The following WDR72 variants were observed in gnomAD, a reference collection of about 807,000 sequenced individuals.
WDR72 encodes WD repeat domain 72.
Under a neutral mutation model 124.2 loss-of-function variants are expected in WDR72, and 120 were observed. The ratio of observed to expected loss-of-function variants is 0.97; its 90% confidence interval spans 0.83 to 1.12. The LOEUF is 1.12. Among genes scored for constraint, WDR72 ranks in the 50% most tolerant of loss-of-function variants. WDR72 has a pLI of 0.00. For synonymous variants in WDR72, 452 were observed against 441.7 expected (o/e 1.02, Z -0.29); for missense variants, 1,387 against 1,278.8 (o/e 1.08, Z -1.29).
At chr15:53,533,885 AT>A in intron 18 of WDR72, among the ~76,000 whole-genome samples, 1 of 152,030 alleles carries the variant, frequency 6.6e-6, no homozygotes, top group South Asian at 2.1e-4. Flanking sequence ...AGTTAACATT[AT>A]TTTTTCTCCT....
chr15:53,677,868 G>A (rs1040155726), intron 13 of WDR72, among the ~76,000 whole-genome samples: 2 of 152,082 alleles, frequency 1.3e-5, no homozygotes, highest in African/African-American at 4.8e-5. Context: ...CACTAATTGA[G>A]TATTTTTAAG....
At chr15:53,728,494 A>G (rs1405420659) in intron 2 of WDR72, among the ~76,000 whole-genome samples, 3 of 152,224 alleles carry the variant, frequency 2.0e-5, no homozygotes, top group African/African-American at 7.2e-5. Flanking sequence ...AGGAAATTGA[A>G]GCTCAAAGAA....
chr15:53,708,676 T>C (rs1329166202), intron 9 of WDR72, among the ~76,000 whole-genome samples: 1 of 152,202 alleles, frequency 6.6e-6, no homozygotes, highest in Non-Finnish European at 1.5e-5. Context: ...AATGAAGTTT[T>C]TGTCATCATC....
intron 18 of WDR72, among the ~76,000 whole-genome samples, chr15:53,580,641 T>G (rs886353530): frequency 3.3e-5 from 5 of 151,922 alleles, no homozygotes; most frequent in African/African-American, 1.2e-4. Flanking sequence ...GATGACACAG[T>G]TTGTGATTTG....
intron 14 of WDR72, among the ~76,000 whole-genome samples, chr15:53,636,835 C>A (rs1229200714): frequency 6.6e-6 from 1 of 152,132 alleles, no homozygotes; most frequent in East Asian, 1.9e-4. Context: ...TAATTCCAAG[C>A]CCATGTTTTA....
intron 2 of WDR72, among the ~76,000 whole-genome samples, chr15:53,724,852 C>G (rs1180367392): frequency 2.0e-5 from 3 of 152,150 alleles, no homozygotes; most frequent in Non-Finnish European, 4.4e-5. Context: ...ATAAAAACGA[C>G]TAAAATTCCA....
At chr15:53,724,843 T>C (rs1253688892) in intron 2 of WDR72, among the ~76,000 whole-genome samples, 2 of 152,178 alleles carry the variant, frequency 1.3e-5, no homozygotes, top group East Asian at 3.8e-4. Context: ...AAAGTTAATA[T>C]AAAAACGACT....
intron 18 of WDR72, among the ~76,000 whole-genome samples, chr15:53,582,104 G>A (rs968820551): frequency 6.6e-6 from 1 of 151,862 alleles, no homozygotes; most frequent in African/African-American, 2.4e-5. Context: ...GCATCTAAGT[G>A]CTTTGTACCA....
intron 18 of WDR72, among the ~76,000 whole-genome samples, chr15:53,543,428 G>T (rs1893261001): frequency 1.3e-5 from 2 of 152,136 alleles, no homozygotes; most frequent in African/African-American, 2.4e-5. Context: ...TAGAAAGGAA[G>T]ATGTTCTTTG....
chr15:53,536,883 T>G (rs1892791458), intron 18 of WDR72, among the ~76,000 whole-genome samples: 1 of 152,166 alleles, frequency 6.6e-6, no homozygotes, highest in African/African-American at 2.4e-5. Context: ...GATCCTGTTG[T>G]CTGTCTGCTG....
chr15:53,518,419 C>G (rs951473139), intron 19 of WDR72, among the ~76,000 whole-genome samples: 3 of 151,336 alleles, frequency 2.0e-5, no homozygotes, highest in African/African-American at 7.3e-5. Flanking sequence ...TGTATACTAA[C>G]TGTGTGTGTG....
intron 19 of WDR72, 55 bp downstream of exon 19, chr15:53,523,163 C>T: frequency 1.3e-6 from 2 of 1,559,644 alleles, no homozygotes; most frequent in Non-Finnish European, 1.8e-6. Context: ...CCAAGGACCC[C>T]AAAGCTGTGT....
chr15:53,683,173 C>A (rs535799868), intron 13 of WDR72, among the ~76,000 whole-genome samples: 9 of 152,210 alleles, frequency 5.9e-5, no homozygotes, highest in African/African-American at 2.2e-4. Flanking sequence ...CCTTGACACA[C>A]AGAGATTACA....
intron 13 of WDR72, among the ~76,000 whole-genome samples, chr15:53,697,827 G>A (rs969953563): frequency 6.6e-6 from 1 of 151,796 alleles, no homozygotes; most frequent in African/African-American, 2.4e-5. Context: ...TTTTTTGTTT[G>A]AGACAGAGAC....
At chr15:53,525,676 A>G (rs1437633587) in intron 18 of WDR72, among the ~76,000 whole-genome samples, 1 of 151,984 alleles carries the variant, frequency 6.6e-6, no homozygotes, top group African/African-American at 2.4e-5. Flanking sequence ...TAGCTGCATG[A>G]TCTTCATTAA....
intron 14 of WDR72, among the ~76,000 whole-genome samples, chr15:53,648,478 A>G (rs1567003553): frequency 6.6e-6 from 1 of 152,166 alleles, no homozygotes. Context: ...CATCATACTA[A>G]CAAGCTTATA....
At chr15:53,737,869 G>A (rs1408109373) in intron 1 of WDR72, among the ~76,000 whole-genome samples, 3 of 152,014 alleles carry the variant, frequency 2.0e-5, no homozygotes, top group African/African-American at 4.8e-5. Context: ...ATGAGACCAC[G>A]CATACAACAT....
intron 3 of WDR72, among the ~76,000 whole-genome samples, chr15:53,718,756 T>G (rs967031106): frequency 7.1e-6 from 1 of 141,102 alleles, no homozygotes; most frequent in African/African-American, 3.2e-5. Context: ...TTTTAAAACC[T>G]TAATAAATTT....
intron 19 of WDR72, among the ~76,000 whole-genome samples, chr15:53,520,621 C>T (rs1891740316): frequency 1.3e-5 from 2 of 152,042 alleles, no homozygotes; most frequent in African/African-American, 2.4e-5. Flanking sequence ...GTTTCTTCTT[C>T]TGACTGAGGT....
Sources: gnomAD v4.1 joint callset for allele counts (sites outside exome capture counted in the v4.1 genomes callset) on GRCh38, gnomAD v4.1.1 for gene constraint, MANE v1.5 for transcripts, NCBI Gene and HGNC (gene_info 2026-07-23, HGNC 2026-07-21) for gene names.